FIBCD1: variants seen among roughly 807,000 people sequenced by gnomAD.
FIBCD1 encodes the protein fibrinogen C domain-containing protein 1.
FIBCD1 carries 47 observed loss-of-function variants against 45.1 expected under a neutral mutation model. That is an observed-to-expected ratio of 1.04 (90% confidence interval 0.82 to 1.33). The LOEUF (loss-of-function observed/expected upper bound fraction) is 1.33, where lower values mean the gene tolerates loss of function less well. FIBCD1 is among the 40% of genes most tolerant of loss of function. The probability of loss-of-function intolerance (pLI) is 0.00; values close to 1 mark genes in which losing one functional copy is unlikely to be tolerated. For synonymous variants in FIBCD1, 313 were observed against 308.1 expected (o/e 1.02, Z -0.17); for missense variants, 653 against 682.2 (o/e 0.96, Z 0.48).
intron 4 of FIBCD1, among the ~76,000 whole-genome samples, chr9:130,918,216 GA>G (rs1314231024): frequency 6.6e-6 from 1 of 152,258 alleles, no homozygotes; most frequent in African/African-American, 2.4e-5. Flanking sequence ...GCATTCAACA[GA>G]GCTTGCTGGG....
chr9:130,913,475 CTG>C (rs1832103288), intron 4 of FIBCD1, among the ~76,000 whole-genome samples: 1 of 37,648 alleles, frequency 2.7e-5, no homozygotes, highest in Non-Finnish European at 4.1e-5. Context: ...GCTCTGAGCC[CTG>C]CTCTGAGCCC....
chr9:130,913,558 T>G (rs1015463976), intron 4 of FIBCD1, among the ~76,000 whole-genome samples: 3 of 152,188 alleles, frequency 2.0e-5, no homozygotes, highest in African/African-American at 7.2e-5. Flanking sequence ...GACACCTCCT[T>G]TTTCGTGCTT....
chr9:130,904,351 C>A, intron 6 of FIBCD1, 28 bp from the exon 7 acceptor site: 2 of 1,571,262 alleles, frequency 1.3e-6, no homozygotes, highest in Non-Finnish European at 1.7e-6. Flanking sequence ...CAGGTGTGGG[C>A]ACGGGGGGCA....
chr9:130,930,333 C>T (rs554645685), intron 1 of FIBCD1, among the ~76,000 whole-genome samples: 10 of 151,316 alleles, frequency 6.6e-5, no homozygotes, highest in South Asian at 4.2e-4. Context: ...GACGGGGAGA[C>T]GCGGGGAGAC....
intron 1 of FIBCD1, among the ~76,000 whole-genome samples, chr9:130,934,750 CCCTA>C (rs1832493722): frequency 6.6e-6 from 1 of 152,240 alleles, no homozygotes. Context: ...ATGGCACCAA[CCCTA>C]CCTGTTGCCC....
intron 5 of FIBCD1, among the ~76,000 whole-genome samples, chr9:130,911,273 C>A (rs1317743548): frequency 3.9e-5 from 6 of 152,126 alleles, no homozygotes; most frequent in Non-Finnish European, 8.8e-5. Flanking sequence ...GGCGCGCTAC[C>A]TTAAGAGCTA....
At chr9:130,916,297 A>G (rs1832160372) in intron 4 of FIBCD1, among the ~76,000 whole-genome samples, 2 of 152,142 alleles carry the variant, frequency 1.3e-5, no homozygotes, top group South Asian at 4.1e-4. Context: ...TGTTGATCAA[A>G]CCCATTCAGT....
Position 130,926,091 on chromosome 9 carries a change from C to T in FIBCD1, c.553-1695G>A, listed in dbSNP as rs1004153862. Among the ~76,000 whole-genome samples, 14 of 152,092 alleles carry T rather than the reference C, an allele frequency of 9.2e-5. No homozygotes were observed. Among genetic ancestry groups the T allele is most frequent in the Admixed American group, 3.3e-4 (5 of 15,274 alleles). On this transcript the variant is annotated intron_variant, in intron 2 of 6. Transcript: ENST00000372338. The surrounding 1 kb of genome is among the most constrained non-coding windows in gnomAD (Gnocchi z 4.1). ...TCCTGTAGACGAGCTCCACTGGGCA[C>T]GCCCCACAGAGGGACACAGGCAGCA...
intron 2 of FIBCD1, among the ~76,000 whole-genome samples, chr9:130,924,810 A>T (rs935003762): frequency 6.6e-6 from 1 of 152,162 alleles, no homozygotes; most frequent in African/African-American, 2.4e-5. Flanking sequence ...TGCCGGTTAT[A>T]TGACTAGGGG....
At chr9:130,906,993 G>T (rs2133067780) in intron 5 of FIBCD1, among the ~76,000 whole-genome samples, 1 of 152,310 alleles carries the variant, frequency 6.6e-6, no homozygotes, top group Admixed American at 6.5e-5. Flanking sequence ...GCTGGCCCAG[G>T]TCACGCGGCT....
chr9:130,909,122 G>A (rs977710759), intron 5 of FIBCD1, among the ~76,000 whole-genome samples: 5 of 151,914 alleles, frequency 3.3e-5, no homozygotes, highest in African/African-American at 9.7e-5. Context: ...CTCTGACCCC[G>A]CTCGCTCGCA....
In FIBCD1 at chr9:130,903,179, C is replaced by G. The variant is rs1831865218; in HGVS notation, c.*885G>C. The stretch of plus-strand genomic sequence containing the variant: ...GCCTCATCCCAGCCCTGCCTAGGCC[C>G]CAGCCCAGAAAACCAAGAGCTTCCC... On this transcript the variant is annotated 3_prime_UTR_variant, in exon 7 of 7. Transcript: ENST00000372338. 1 of 152,890 alleles carries G rather than the reference C, an allele frequency of 6.5e-6. No homozygotes were observed. Among genetic ancestry groups the G allele is most frequent in the Non-Finnish European group, 1.5e-5 (1 of 68,636 alleles). 9.5% of individuals were successfully genotyped at this position (152,890 alleles called of 1,614,324 possible).
At chr9:130,927,612 CAT>C (rs1429283132) in intron 2 of FIBCD1, among the ~76,000 whole-genome samples, 2 of 152,218 alleles carry the variant, frequency 1.3e-5, no homozygotes, top group Non-Finnish European at 2.9e-5. Context: ...AGGGACTACA[CAT>C]GAGAATCAAC....
At chr9:130,910,794 T>C (rs12686196) in intron 5 of FIBCD1, among the ~76,000 whole-genome samples, 30,083 of 148,754 alleles carry the variant, frequency 0.2, 3,521 homozygotes, top group East Asian at 0.5. Context: ...TCAGGGATTG[T>C]AAACACACCA....
At chr9:130,921,615 C>T (rs1394465497) in intron 4 of FIBCD1, among the ~76,000 whole-genome samples, 7 of 152,160 alleles carry the variant, frequency 4.6e-5, no homozygotes, top group Non-Finnish European at 1.0e-4. Flanking sequence ...GATTGACTTC[C>T]CGGGAGATTG....
chr9:130,911,140 C>T (rs561101574), intron 5 of FIBCD1, among the ~76,000 whole-genome samples: 1 of 152,312 alleles, frequency 6.6e-6, no homozygotes, highest in South Asian at 2.1e-4. Context: ...GTCCACGCTG[C>T]TTTTATGAGC....
intron 1 of FIBCD1, among the ~76,000 whole-genome samples, chr9:130,932,020 C>T (rs1290535400): frequency 6.6e-6 from 1 of 152,184 alleles, no homozygotes; most frequent in Non-Finnish European, 1.5e-5. Context: ...TTTTTTCCAC[C>T]CAAAGTGTTA....
At chr9:130,940,089 T>C (rs2133134843), upstream of FIBCD1, among the ~76,000 whole-genome samples, 1 of 152,320 alleles carries the variant, frequency 6.6e-6, no homozygotes, top group South Asian at 2.1e-4. Flanking sequence ...TGGCACCGTC[T>C]CCGTCTCTCC....
At chr9:130,937,088 A>C (rs1178365927) in intron 1 of FIBCD1, among the ~76,000 whole-genome samples, 2 of 152,156 alleles carry the variant, frequency 1.3e-5, no homozygotes, top group African/African-American at 4.8e-5. Context: ...AATAACAAAC[A>C]GTCACTGCCT....
Sources: allele counts gnomAD v4.1 joint callset (sites outside exome capture counted in the v4.1 genomes callset), GRCh38; gene constraint gnomAD v4.1.1; non-coding constraint Gnocchi (gnomAD v3.1); transcripts MANE v1.5; gene names NCBI Gene and HGNC (gene_info 2026-07-23, HGNC 2026-07-21).